The following NLRP11 variants were observed in gnomAD, a reference collection of about 807,000 sequenced individuals.
NLRP11 encodes NLR family pyrin domain containing 11.
A neutral mutation model predicts 79.3 loss-of-function variants in NLRP11; 53 were observed. The ratio of observed to expected loss-of-function variants is 0.67; its 90% CI spans 0.54 to 0.84. NLRP11 has a LOEUF of 0.84. NLRP11 is among the 40% of genes least tolerant of loss of function. The pLI, the probability that NLRP11 is intolerant of heterozygous loss-of-function variation, is 0.00. For synonymous variants in NLRP11, 518 were observed against 462.6 expected (o/e 1.12, Z -1.54); for missense variants, 1,264 against 1,255.0 (o/e 1.01, Z -0.11).
In NLRP11 at chr19:55,805,933, C is replaced by T. The variant is rs73620609; in HGVS notation, c.2003+1920G>A. On this transcript the variant is annotated intron_variant, in intron 4 of 9. Coordinates refer to ENST00000589093, the Ensembl canonical transcript of NLRP11. ...TGTTCTTGGCCAACAATGACTTCTA[C>T]CTTGCTAATGTCATTGGCCAATTCT... is the stretch of plus-strand genomic sequence containing the variant. Among the ~76,000 whole-genome samples, 1,415 of 152,292 alleles carry T rather than the reference C, an allele frequency of 9.3e-3. 27 individuals carry two copies. The highest frequency in any genetic ancestry group is 0.032 in the African/African-American group (1,345 of 41,552).
rs544485440 is a variant in NLRP11, at chr19:55,823,395, G to A, written c.-62-5159C>T. 1.6e-4 allele frequency among the ~76,000 whole-genome samples: 22 copies of A among 138,366 alleles called. 1 individual carries two copies. The South Asian group carries it at 3.7e-3, about 23-fold the overall frequency. The allele number at this position is 138,366 out of a possible 152,430, so 90.8% of individuals were successfully genotyped here. On this transcript the variant is annotated intron_variant, in intron 1 of 9. Transcript: ENST00000589093. ...AGGAACGCAGTTCCTCCCCAGAAAC[G>A]GAACAAAGCTGGATGGAGAATGACT...
At chr19:55,817,851 G>A (rs199476234) in intron 2 of NLRP11, 53 bp downstream of exon 2, 2 of 1,357,824 alleles carry the variant, frequency 1.5e-6, no homozygotes, top group South Asian at 1.5e-5. Flanking sequence ...CCAACACCCA[G>A]CTTCCTGTGA....
chr19:55,803,713 T>C (rs1450342609), intron 4 of NLRP11, among the ~76,000 whole-genome samples: 1 of 152,204 alleles, frequency 6.6e-6, no homozygotes, highest in Admixed American at 6.5e-5. Context: ...TCAATGTCAC[T>C]GATCATTAGA....
intron 4 of NLRP11, among the ~76,000 whole-genome samples, chr19:55,806,583 C>A (rs1019335461): frequency 6.6e-6 from 1 of 152,160 alleles, no homozygotes; most frequent in African/African-American, 2.4e-5. Flanking sequence ...AAAAGAGCCT[C>A]CTCTGAGCTT....
At chr19:55,820,594 T>C (rs2122884831) in intron 1 of NLRP11, among the ~76,000 whole-genome samples, 1 of 152,322 alleles carries the variant, frequency 6.6e-6, no homozygotes, top group Admixed American at 6.5e-5. Context: ...CAGCTTTTCG[T>C]CTCATGTATA....
rs769124769 is a variant in NLRP11 at position 55,809,221 on chromosome 19, CAG to C, written c.1387_1388del (p.Leu463AspfsTer16). On this transcript the variant is annotated frameshift_variant, in exon 3 of 10. Transcript: ENST00000589093. LOFTEE classifies it high-confidence loss of function. The surrounding 1 kb of genome is among the most constrained non-coding windows in gnomAD (Gnocchi z 4.5). Reference sequence around the variant, plus strand: ...GGATCAGATAGTTGGGTACTGCCATCAGAAATGCAATGGCTGTACAAAACTCC... The same window carrying C: ...GGATCAGATAGTTGGGTACTGCCATCAAATGCAATGGCTGTACAAAACTCC... 1.2e-6 allele frequency: 2 copies of C among 1,613,622 alleles called. No individual in the cohort carries two copies. Among genetic ancestry groups the C allele is most frequent in the Admixed American group, 3.3e-5 (2 of 60,020 alleles).
rs114827540 is a variant in NLRP11 at position 55,809,713 on chromosome 19, C to T, written c.897G>A (p.Gln299=). ...ATATCTCCCTCTTCCCATTCGACAG[C>T]TGCAAGGTCGTGCAGCAATCTACCT... Residue 299 remains glutamine (Q), a synonymous_variant, in exon 3 of 10, where the codon CAG becomes CAA. Transcript: ENST00000589093. This position sits in a 1 kb window ranked among gnomAD's most constrained non-coding sequence, Gnocchi z 4.5. The T allele has an allele frequency of 5.1e-5, 82 of 1,614,188 alleles. No homozygotes were observed. In the African/African-American group the frequency reaches 1.1e-3, roughly 21 times the overall value.
chr19:55,792,715 G>A (rs979475062), intron 6 of NLRP11, among the ~76,000 whole-genome samples: 4 of 152,158 alleles, frequency 2.6e-5, no homozygotes, highest in African/African-American at 9.7e-5. Flanking sequence ...TTCTACTAAC[G>A]GAATAATCTT....
chr19:55,819,889 G>A lies in NLRP11; in HGVS notation c.-62-1653C>T, dbSNP rs545822781. ...TGAAGGGAAGAAGTAGGCATATTAAGCTTGCAGACCTCATATACCAGGTAC... is the reference window on the plus strand; with the variant it reads ...TGAAGGGAAGAAGTAGGCATATTAAACTTGCAGACCTCATATACCAGGTAC... On this transcript the variant is annotated intron_variant, in intron 1 of 9. Transcript: ENST00000589093. 3.9e-5 allele frequency among the ~76,000 whole-genome samples: 6 copies of A among 152,282 alleles called. No individual in the cohort carries two copies. The East Asian group carries it at 1.2e-3, about 29-fold the overall frequency.
At chr19:55,787,036 T>A (rs1315264673) in intron 9 of NLRP11, among the ~76,000 whole-genome samples, 2 of 152,200 alleles carry the variant, frequency 1.3e-5, no homozygotes, top group Non-Finnish European at 2.9e-5. Context: ...CTGAGATAAT[T>A]ATCACCATTT....
At chr19:55,803,726 A>G (rs1336347284) in intron 4 of NLRP11, among the ~76,000 whole-genome samples, 1 of 152,236 alleles carries the variant, frequency 6.6e-6, no homozygotes, top group Non-Finnish European at 1.5e-5. Context: ...TCATTAGAGA[A>G]AAGCAAATCA....
rs139973128 is a variant in NLRP11 at position 55,831,360 on chromosome 19, G to A, written c.-63+603C>T. ...GCACATTACTTGAGGTCAGGAGTTC[G>A]AGACCAGCCTAGACAACATGGCGAA... On this transcript the variant is annotated intron_variant, in intron 1 of 9. Transcript: ENST00000589093. Among the ~76,000 whole-genome samples the A allele has an allele frequency of 2.7e-3, 405 of 151,600 alleles. 2 individuals are homozygous for A. The highest frequency in any genetic ancestry group is 9.2e-3 in the African/African-American group (378 of 41,270).
chr19:55,801,852 C>T (rs1979514014), intron 4 of NLRP11, 113 bp from the exon 5 acceptor site: 2 of 814,744 alleles, frequency 2.5e-6, no homozygotes, highest in Non-Finnish European at 4.0e-6. Flanking sequence ...TGGATTACAT[C>T]CTCACACATG....
chr19:55,831,481 G>A (rs939240181), intron 1 of NLRP11, among the ~76,000 whole-genome samples: 28 of 152,156 alleles, frequency 1.8e-4, no homozygotes, highest in Non-Finnish European at 4.0e-4. Flanking sequence ...AGAGTCACTT[G>A]AACCCAGGAG....
intron 4 of NLRP11, among the ~76,000 whole-genome samples, chr19:55,806,532 C>T (rs1366886215): frequency 1.3e-5 from 2 of 152,146 alleles, no homozygotes; most frequent in Non-Finnish European, 2.9e-5. Flanking sequence ...CTATTCACAC[C>T]CTCAGAGGCA....
chr19:55,824,373 A>G (rs1394875473), intron 1 of NLRP11, among the ~76,000 whole-genome samples: 2 of 148,074 alleles, frequency 1.4e-5, no homozygotes, highest in Non-Finnish European at 3.0e-5. Flanking sequence ...CAAAATCACC[A>G]GCTAACATCA....
At chr19:55,831,027 C>T (rs1982710867) in intron 1 of NLRP11, among the ~76,000 whole-genome samples, 2 of 151,560 alleles carry the variant, frequency 1.3e-5, no homozygotes, top group South Asian at 4.2e-4. Context: ...TTCCAATCCC[C>T]CCTGTAAATT....
At chr19:55,802,673 T>C (rs1196453944) in intron 4 of NLRP11, among the ~76,000 whole-genome samples, 1 of 152,162 alleles carries the variant, frequency 6.6e-6, no homozygotes, top group Non-Finnish European at 1.5e-5. Flanking sequence ...TTAAAGTTCA[T>C]ATAGAACAAA....
chr19:55,832,082 G>T (rs149912142), upstream of NLRP11: 1 of 152,266 alleles, frequency 6.6e-6, no homozygotes, highest in Non-Finnish European at 1.5e-5. Flanking sequence ...GGCCAAGGTG[G>T]GTTCTTGATG....
Sources: gnomAD v4.1 joint callset for allele counts (sites outside exome capture counted in the v4.1 genomes callset) on GRCh38, gnomAD v4.1.1 for gene constraint, Gnocchi (gnomAD v3.1) non-coding constraint, MANE v1.5 for transcripts, NCBI Gene and HGNC (gene_info 2026-07-23, HGNC 2026-07-21) for gene names.